TSPEAR: variants seen among roughly 807,000 people sequenced by gnomAD.
TSPEAR encodes the protein thrombospondin-type laminin G domain and EAR repeat-containing protein.
Under a neutral mutation model 71.6 loss-of-function variants are expected in TSPEAR, and 69 were observed. That is an observed-to-expected ratio of 0.96 (90% CI 0.79 to 1.18). The LOEUF is 1.18. Ranked by LOEUF, TSPEAR falls within the 50% of genes most tolerant of loss-of-function variation. TSPEAR has a pLI of 0.00. For synonymous variants in TSPEAR, 402 were observed against 387.2 expected (o/e 1.04, Z -0.45); for missense variants, 971 against 894.9 (o/e 1.09, Z -1.09).
chr21:44,582,970 GCACCACCACA>G (rs1979097650), intron 1 of TSPEAR, among the ~76,000 whole-genome samples: 1 of 148,778 alleles, frequency 6.7e-6, no homozygotes, highest in African/African-American at 2.5e-5. Flanking sequence ...TTACAGGTGT[GCACCACCACA>G]TCCAGCTATT....
At chr21:44,702,039 C>A (rs1987673105) in intron 1 of TSPEAR, among the ~76,000 whole-genome samples, 1 of 152,212 alleles carries the variant, frequency 6.6e-6, no homozygotes, top group African/African-American at 2.4e-5. Context: ...ATGAGATGAT[C>A]CTGGCTTAGC....
chr21:44,677,134 A>T (rs112688234), intron 1 of TSPEAR: 13 of 715,020 alleles, frequency 1.8e-5, no homozygotes, highest in African/African-American at 7.0e-5. Context: ...ATCCAGATCA[A>T]CTATCATGTT....
intron 1 of TSPEAR, among the ~76,000 whole-genome samples, chr21:44,621,426 T>A (rs1163104885): frequency 6.6e-6 from 1 of 152,250 alleles, no homozygotes; most frequent in African/African-American, 2.4e-5. Context: ...CACTACATAA[T>A]GTCCTGTGGG....
chr21:44,688,148 C>T (rs1555949175), intron 1 of TSPEAR, among the ~76,000 whole-genome samples: 1 of 152,184 alleles, frequency 6.6e-6, no homozygotes, highest in African/African-American at 2.4e-5. Flanking sequence ...ATAGAAGCCA[C>T]ACATGAGATC....
rs1555910892 is a variant in TSPEAR at position 44,499,796 on chromosome 21, A to G, written c.1997T>C (p.Leu666Pro). 1 of 1,570,532 alleles carries G rather than the reference A, an allele frequency of 6.4e-7. No individual in the cohort carries two copies. Among genetic ancestry groups the G allele is most frequent in the Admixed American group, 1.8e-5 (1 of 54,474 alleles). The change falls in exon 12 of 12, where the codon CTG becomes CCG. Residue 666 changes from leucine (L) to proline (P), a missense_variant. Physicochemically the swap from Leu to Pro is moderately conservative, Grantham distance 98. Coordinates refer to ENST00000323084, the MANE Select transcript of TSPEAR (RefSeq NM_144991.3). ...GCAGCCGCGGCCTCAGCGTGTCCTCAGCCGCAGGACCCTGGAGAGGGGCTC... is the reference window on the plus strand; with the variant it reads ...GCAGCCGCGGCCTCAGCGTGTCCTCGGCCGCAGGACCCTGGAGAGGGGCTC... Reference protein sequence around the residue: ...AKEPLSRVLRLRTR With the variant: ...AKEPLSRVLRPRTR
intron 1 of TSPEAR, chr21:44,658,410 A>G: frequency 1.2e-6 from 1 of 819,310 alleles, no homozygotes; most frequent in Non-Finnish European, 1.9e-6. Flanking sequence ...GAACGTGGAA[A>G]AATGATTCAG....
At chr21:44,681,119 C>T (rs1046970986) in intron 1 of TSPEAR, among the ~76,000 whole-genome samples, 28 of 152,162 alleles carry the variant, frequency 1.8e-4, no homozygotes, top group African/African-American at 6.5e-4. Flanking sequence ...AATATGTAAA[C>T]ATATTATGTA....
chr21:44,538,242 C>T (rs142385141), intron 2 of TSPEAR, among the ~76,000 whole-genome samples: 126 of 152,266 alleles, frequency 8.3e-4, no homozygotes, highest in African/African-American at 2.9e-3. Context: ...GAGCCCCATG[C>T]GCTGCCTGAT....
At chr21:44,554,627 T>G (rs188456646) in intron 2 of TSPEAR, among the ~76,000 whole-genome samples, 56 of 152,384 alleles carry the variant, frequency 3.7e-4, no homozygotes, top group African/African-American at 1.2e-3. Context: ...ATTCTAATAC[T>G]TTACTGCATG....
chr21:44,601,611 C>A (rs373482579), intron 1 of TSPEAR: 3 of 1,613,476 alleles, frequency 1.9e-6, no homozygotes, highest in Admixed American at 1.7e-5. Flanking sequence ...CCTGCTGCGC[C>A]CCCACCTCCT....
At chr21:44,536,255 C>T (rs587601406) in intron 2 of TSPEAR, among the ~76,000 whole-genome samples, 2 of 152,360 alleles carry the variant, frequency 1.3e-5, no homozygotes, top group South Asian at 2.1e-4. Flanking sequence ...GCTCCCTCGG[C>T]GTCCTCCGGC....
At chr21:44,651,994 T>C (rs1984825861) in intron 1 of TSPEAR, among the ~76,000 whole-genome samples, 1 of 132,760 alleles carries the variant, frequency 7.5e-6, no homozygotes, top group South Asian at 2.4e-4. Flanking sequence ...TTTTTTTTTT[T>C]TTTTTTTGAA....
At chr21:44,666,693 C>T (rs1555944833) in intron 1 of TSPEAR, 1 of 1,614,012 alleles carries the variant, frequency 6.2e-7, no homozygotes, top group Non-Finnish European at 8.5e-7. Flanking sequence ...CATGGGCACA[C>T]ACACAGAAGA....
intron 1 of TSPEAR, chr21:44,647,236 ACCT>A: frequency 3.8e-6 from 6 of 1,589,256 alleles, no homozygotes; most frequent in Non-Finnish European, 5.1e-6. Flanking sequence ...CTGTGCCCCC[ACCT>A]CCTCCTGCCA....
At chr21:44,518,087 A>G (rs1184458871) in intron 9 of TSPEAR, among the ~76,000 whole-genome samples, 1 of 152,252 alleles carries the variant, frequency 6.6e-6, no homozygotes, top group Admixed American at 6.5e-5. Flanking sequence ...TAATGCCAGC[A>G]ATTGCATTTT....
chr21:44,544,852 T>A (rs1265155735), intron 2 of TSPEAR, among the ~76,000 whole-genome samples: 2 of 152,154 alleles, frequency 1.3e-5, no homozygotes, highest in Non-Finnish European at 1.5e-5. Flanking sequence ...CACAGGACGT[T>A]ATGCACTGAT....
chr21:44,681,816 G>A (rs781988437), intron 1 of TSPEAR: 7 of 1,597,682 alleles, frequency 4.4e-6, no homozygotes, highest in Non-Finnish European at 6.0e-6. Context: ...GGGAGCAGCG[G>A]GTCTGGAGAT....
intron 9 of TSPEAR, among the ~76,000 whole-genome samples, chr21:44,513,028 G>T (rs1267198793): frequency 2.0e-5 from 3 of 152,202 alleles, no homozygotes; most frequent in Non-Finnish European, 4.4e-5. Flanking sequence ...TTCAGACAAC[G>T]AATGATTCTT....
intron 1 of TSPEAR, among the ~76,000 whole-genome samples, chr21:44,597,403 T>G (rs1463313614): frequency 6.6e-6 from 1 of 150,818 alleles, no homozygotes; most frequent in Non-Finnish European, 1.5e-5. Flanking sequence ...CTTTCAAGCT[T>G]TCTGTGCTCT....
Sources: gnomAD v4.1 joint callset for allele counts (sites outside exome capture counted in the v4.1 genomes callset) on GRCh38, gnomAD v4.1.1 for gene constraint, MANE v1.5 for transcripts, NCBI Gene and HGNC (gene_info 2026-07-23, HGNC 2026-07-21) for gene names.